Variants in PDE4A observed in about 807,000 individuals in gnomAD.
PDE4A encodes the protein 3',5'-cyclic-AMP phosphodiesterase 4A.
A neutral mutation model predicts 73.9 loss-of-function variants in PDE4A; 21 were observed. The ratio of observed to expected loss-of-function variants is 0.28; its 90% CI spans 0.20 to 0.41. The LOEUF is 0.41. Among genes scored for constraint, PDE4A ranks in the 10% least tolerant of loss-of-function variants. The pLI is 1.00. For synonymous variants in PDE4A, 463 were observed against 505.4 expected, an observed-to-expected ratio of 0.92 and a Z score of 1.13; for missense variants, 958 against 1,211.4, an observed-to-expected ratio of 0.79 and a Z score of 3.10.
chr19:10,434,027 T>G (rs1338698934), intron 1 of PDE4A, among the ~76,000 whole-genome samples: 1 of 152,130 alleles, frequency 6.6e-6, no homozygotes, highest in Non-Finnish European at 1.5e-5. Flanking sequence ...GCCCAGGAGT[T>G]TGAGACCAGC....
chr19:10,454,964 G>A (rs1338283388), intron 7 of PDE4A, 42 bp downstream of exon 7: 7 of 1,594,506 alleles, frequency 4.4e-6, no homozygotes, highest in Non-Finnish European at 6.0e-6. Context: ...GGGGACATTT[G>A]GGGTAGAGAG....
At chr19:10,420,450 CGGGCGGGGGGCGGGGAGGGGCGGGACG>C, upstream of PDE4A, 1 of 300,554 alleles carries the variant, frequency 3.3e-6, no homozygotes, top group Non-Finnish European at 4.4e-6. This position sits in a 1 kb window ranked among gnomAD's most constrained non-coding sequence, Gnocchi z 6.0. Context: ...ACAGCCGCGG[CGGGCGGGGGGCGGGGAGGGGCGGGACG>C]GGGCGGAGGA....
chr19:10,436,963 C>G (rs148678302), intron 1 of PDE4A, among the ~76,000 whole-genome samples: 1 of 151,946 alleles, frequency 6.6e-6, no homozygotes, highest in Non-Finnish European at 1.5e-5. Flanking sequence ...TGCTTGAGCC[C>G]GGCAGCAGAG....
chr19:10,442,232 TAA>T (rs1217084988), intron 1 of PDE4A, among the ~76,000 whole-genome samples: 1 of 152,082 alleles, frequency 6.6e-6, no homozygotes, highest in African/African-American at 2.4e-5. Context: ...TACTAAGAAA[TAA>T]GTTTGAAATC....
chr19:10,432,530 C>T lies in PDE4A; in HGVS notation c.320+11446C>T, dbSNP rs572669416. 2.2e-5 allele frequency: 34 copies of T among 1,525,736 alleles called. No individual in the cohort carries two copies. The African/African-American group carries it at 4.2e-4, about 19-fold the overall frequency. 94.5% of individuals were successfully genotyped at this position (1,525,736 alleles called of 1,614,324 possible). On this transcript the variant is annotated intron_variant, in intron 1 of 14. Coordinates refer to ENST00000380702, the MANE Select transcript of PDE4A (RefSeq NM_001111307.2). ...AGTCCCTGACCCACTTCCCCTTCAG[C>T]GATGAGGACACCCGTCGGCACCCTC...
intron 1 of PDE4A, among the ~76,000 whole-genome samples, chr19:10,431,541 G>A (rs1237839555): frequency 2.0e-5 from 3 of 152,220 alleles, no homozygotes; most frequent in Non-Finnish European, 4.4e-5. Flanking sequence ...GGCTGCGGGG[G>A]CTTGAAGTCT....
Position 10,457,981 on chromosome 19 carries a change from C to T in PDE4A, c.980C>T (p.Pro327Leu), listed in dbSNP as rs1403614460. 3 of 1,614,006 alleles carry T rather than the reference C, an allele frequency of 1.9e-6. No homozygotes were observed. Among genetic ancestry groups the T allele is most frequent in the Non-Finnish European group, 8.5e-7 (1 of 1,180,014 alleles). The change falls in exon 8 of 15, where the codon CCA becomes CTA. Residue 327 changes from proline (P) to leucine (L), a missense_variant. Around this residue, in one of 3 missense-constraint regions of PDE4A, gnomAD observed 570 missense variants for 827.7 expected, o/e 0.69. Transcript: ENST00000380702. ...TCCCAGCCGCCCCCGCCCCCTGTAC[C>T]ACACTTACAGCCCATGTCCCAAATC... ...RPSQPPPPPVPHLQPMSQITG... is the reference protein window; with the variant it reads ...RPSQPPPPPVLHLQPMSQITG...
chr19:10,421,758 G>A (rs1335819461), intron 1 of PDE4A, among the ~76,000 whole-genome samples: 1 of 152,190 alleles, frequency 6.6e-6, no homozygotes, highest in Non-Finnish European at 1.5e-5. Flanking sequence ...CAGCACAGAG[G>A]GAAGGAGTCC....
intron 1 of PDE4A, among the ~76,000 whole-genome samples, chr19:10,444,114 C>T (rs1349290435): frequency 1.3e-5 from 2 of 152,050 alleles, no homozygotes; most frequent in East Asian, 3.9e-4. Flanking sequence ...GGCACGGTGG[C>T]TCACGCCTGT....
chr19:10,466,754 A>G, intron 14 of PDE4A, 133 bp from the exon 15 acceptor site: 2 of 1,410,000 alleles, frequency 1.4e-6, no homozygotes, highest in Admixed American at 2.2e-5. Context: ...TCAGCCTCCC[A>G]AAGTGCTGGG....
At chr19:10,439,941 G>GC (rs1412283902) in intron 1 of PDE4A, among the ~76,000 whole-genome samples, 2 of 150,832 alleles carry the variant, frequency 1.3e-5, no homozygotes, top group Non-Finnish European at 2.9e-5. Flanking sequence ...AAAGTAAAAG[G>GC]CCCTTCAGGA....
At chr19:10,433,683 T>C (rs2042824850) in intron 1 of PDE4A, among the ~76,000 whole-genome samples, 1 of 152,006 alleles carries the variant, frequency 6.6e-6, no homozygotes, top group South Asian at 2.1e-4. Context: ...TCTTACATAC[T>C]CAGCCCCCCA....
At chr19:10,430,026 C>G (rs779188714) in intron 1 of PDE4A, among the ~76,000 whole-genome samples, 2 of 151,726 alleles carry the variant, frequency 1.3e-5, no homozygotes, top group Non-Finnish European at 2.9e-5. Context: ...GAAAATGGCT[C>G]TGTGGGTGTG....
chr19:10,427,150 AT>A (rs1782340992), intron 1 of PDE4A, among the ~76,000 whole-genome samples: 1 of 152,084 alleles, frequency 6.6e-6, no homozygotes, highest in Non-Finnish European at 1.5e-5. Context: ...AAATACAAAA[AT>A]TAGCTGGGCG....
intron 12 of PDE4A, 58 bp from the exon 13 acceptor site, chr19:10,461,819 C>G (rs2043277876): frequency 1.3e-6 from 2 of 1,591,398 alleles, no homozygotes; most frequent in Non-Finnish European, 1.7e-6. Context: ...ACTTCAGAGG[C>G]CCGGGTCAGT....
chr19:10,431,740 G>T (rs1008561772), intron 1 of PDE4A, among the ~76,000 whole-genome samples: 1 of 152,124 alleles, frequency 6.6e-6, no homozygotes, highest in Non-Finnish European at 1.5e-5. Context: ...GCACGGCGGG[G>T]CAGGACCGGG....
intron 6 of PDE4A, chr19:10,452,936 A>G: frequency 1.8e-6 from 2 of 1,099,398 alleles, no homozygotes; most frequent in Non-Finnish European, 2.2e-6. Flanking sequence ...ACACGCACAC[A>G]CACGGGTGCA....
At chr19:10,420,056 C>G (rs2042628614), upstream of PDE4A, 1 of 152,444 alleles carries the variant, frequency 6.6e-6, no homozygotes, top group African/African-American at 2.4e-5. This position sits in a 1 kb window ranked among gnomAD's most constrained non-coding sequence, Gnocchi z 6.0. Flanking sequence ...CCATCACTAT[C>G]CTCCGACGCA....
Position 10,457,908 on chromosome 19 carries a change from C to T in PDE4A, c.907C>T (p.Pro303Ser), listed in dbSNP as rs200515047. 1.2e-6 allele frequency: 2 copies of T among 1,612,456 alleles called. No homozygotes were observed. The highest frequency in any genetic ancestry group is 4.5e-5 in the East Asian group (2 of 44,874). Residue 303 changes from proline to serine, a missense_variant, in exon 8 of 15, where the codon CCC becomes TCC. By Grantham distance (74) the Pro-to-Ser change is moderately conservative. This residue lies in a region of PDE4A where 570 missense variants were observed against 827.7 expected (regional missense o/e 0.69). Coordinates refer to ENST00000380702, the MANE Select transcript of PDE4A (RefSeq NM_001111307.2). ...DKQNEVEIPS[P>S]TMKEREKQQA... is the part of the protein sequence containing the mutation. ...ACAGAATGAAGTGGAGATCCCATCA[C>T]CCACGATGAAGGAACGAGAAAAACA... is the stretch of plus-strand genomic sequence containing the variant.
Sources: gnomAD v4.1 joint callset for allele counts (sites outside exome capture counted in the v4.1 genomes callset) on GRCh38, gnomAD v4.1.1 for gene constraint, gnomAD v4.1.1 regional missense constraint, Gnocchi (gnomAD v3.1) non-coding constraint, MANE v1.5 for transcripts, NCBI Gene and HGNC (gene_info 2026-07-23, HGNC 2026-07-21) for gene names.